The following CSMD1 variants were observed in gnomAD, a reference collection of about 807,000 sequenced individuals.
The protein encoded by CSMD1 is CUB and Sushi multiple domains 1.
CSMD1 carries 213 observed loss-of-function variants against 417.5 expected under a neutral mutation model. The ratio of observed to expected loss-of-function variants is 0.51; its 90% CI spans 0.46 to 0.57. The LOEUF (loss-of-function observed/expected upper bound fraction) is 0.57. CSMD1 is among the 20% of genes least tolerant of loss of function. CSMD1 has a pLI of 0.00. For synonymous variants in CSMD1, 2,862 were observed against 1,736.8 expected (o/e 1.65, Z -16.11); for missense variants, 6,923 against 4,529.7 (o/e 1.53, Z -15.17).
At chr8:4,175,378 C>G (rs998184760) in intron 3 of CSMD1, among the ~76,000 whole-genome samples, 17 of 152,126 alleles carry the variant, frequency 1.1e-4, no homozygotes, top group South Asian at 4.1e-4. Flanking sequence ...GGGCTCTAGT[C>G]TGATCTTCTC....
At chr8:4,672,110 T>C (rs1217594969) in intron 1 of CSMD1, among the ~76,000 whole-genome samples, 2 of 152,232 alleles carry the variant, frequency 1.3e-5, no homozygotes, top group Admixed American at 6.5e-5. Flanking sequence ...TGACAGGACC[T>C]GGTCACTGAT....
At chr8:3,727,735 G>A (rs1179129358) in intron 6 of CSMD1, among the ~76,000 whole-genome samples, 1 of 152,074 alleles carries the variant, frequency 6.6e-6, no homozygotes, top group Non-Finnish European at 1.5e-5. Context: ...ACACATGAAT[G>A]GATAAAGATA....
At chr8:4,112,912 T>G (rs1242330320) in intron 3 of CSMD1, among the ~76,000 whole-genome samples, 3 of 152,208 alleles carry the variant, frequency 2.0e-5, no homozygotes, top group African/African-American at 7.2e-5. Context: ...TTGGAGCCAT[T>G]TCTCCAACAG....
intron 5 of CSMD1, among the ~76,000 whole-genome samples, chr8:3,871,191 A>G (rs983772951): frequency 6.6e-6 from 1 of 152,062 alleles, no homozygotes; most frequent in Non-Finnish European, 1.5e-5. Context: ...ATGTGCAAAT[A>G]TTTTTCTACA....
chr8:4,524,503 G>A (rs2130418047), intron 2 of CSMD1, among the ~76,000 whole-genome samples: 1 of 151,382 alleles, frequency 6.6e-6, no homozygotes, highest in African/African-American at 2.4e-5. Context: ...CGGGATATGT[G>A]ATGGGAAAAC....
At chr8:4,159,016 A>G (rs552910867) in intron 3 of CSMD1, among the ~76,000 whole-genome samples, 13 of 152,096 alleles carry the variant, frequency 8.5e-5, no homozygotes, top group Non-Finnish European at 8.8e-5. Context: ...CCCAGATTCA[A>G]GCGATTCTCC....
chr8:4,611,503 G>C (rs1483570993), intron 2 of CSMD1, among the ~76,000 whole-genome samples: 1 of 152,108 alleles, frequency 6.6e-6, no homozygotes, highest in Non-Finnish European at 1.5e-5. Context: ...TATAAAACTT[G>C]TGGATAAAAC....
At chr8:3,800,050 G>A (rs922741) in intron 5 of CSMD1, among the ~76,000 whole-genome samples, 21,981 of 152,078 alleles carry the variant, frequency 0.14, 3,324 homozygotes, top group African/African-American at 0.38. Context: ...TTTTGTCACT[G>A]AAATATGGAG....
At chr8:4,061,604 C>T (rs562795244) in intron 3 of CSMD1, among the ~76,000 whole-genome samples, 1 of 152,174 alleles carries the variant, frequency 6.6e-6, no homozygotes, top group African/African-American at 2.4e-5. Flanking sequence ...GTTCCAGACA[C>T]TAGGACCTGT....
At chr8:4,313,274 C>G (rs958215200) in intron 3 of CSMD1, among the ~76,000 whole-genome samples, 2 of 151,976 alleles carry the variant, frequency 1.3e-5, no homozygotes, top group African/African-American at 4.8e-5. Context: ...TCTAGTGCCC[C>G]AGGAAGAGAA....
chr8:4,022,048 C>A (rs1054928098), intron 4 of CSMD1, among the ~76,000 whole-genome samples: 2 of 150,752 alleles, frequency 1.3e-5, no homozygotes, highest in African/African-American at 4.9e-5. Context: ...ATTTTTCATT[C>A]TTTAATATAC....
chr8:4,076,094 T>G (rs1000122520), intron 3 of CSMD1, among the ~76,000 whole-genome samples: 1 of 152,150 alleles, frequency 6.6e-6, no homozygotes, highest in African/African-American at 2.4e-5. Context: ...GAATTGCAGT[T>G]CCCATAATCC....
chr8:3,860,345 G>A (rs1005322559), intron 5 of CSMD1, among the ~76,000 whole-genome samples: 4 of 151,956 alleles, frequency 2.6e-5, no homozygotes, highest in Non-Finnish European at 4.4e-5. Context: ...CAAGTATAGG[G>A]CAATTTCAGT....
Position 2,980,159 on chromosome 8 carries a change from G to C in CSMD1, c.8378-1359C>G, listed in dbSNP as rs115811790. 9.9e-3 allele frequency among the ~76,000 whole-genome samples: 1,510 copies of C among 152,288 alleles called. 37 individuals are homozygous for C. The highest frequency in any genetic ancestry group is 0.034 in the African/African-American group (1,420 of 41,556). On this transcript the variant is annotated intron_variant, in intron 54 of 69. Coordinates refer to ENST00000635120, the MANE Select transcript of CSMD1 (RefSeq NM_033225.6). Reference sequence around the variant, plus strand: ...GTGCTTATGTTGCTCTTAGGAGACTGTCCAAAAATAATTTCAAACTGTGTT... The same window carrying C: ...GTGCTTATGTTGCTCTTAGGAGACTCTCCAAAAATAATTTCAAACTGTGTT...
intron 7 of CSMD1, among the ~76,000 whole-genome samples, chr8:3,632,623 T>G (rs1168815590): frequency 2.0e-5 from 3 of 152,204 alleles, no homozygotes; most frequent in Non-Finnish European, 4.4e-5. Context: ...CTAATTCTCC[T>G]GAAAGAATTC....
chr8:4,615,903 A>G (rs1213624765), intron 2 of CSMD1, among the ~76,000 whole-genome samples: 1 of 152,176 alleles, frequency 6.6e-6, no homozygotes, highest in Admixed American at 6.6e-5. Flanking sequence ...CATAGCCCAT[A>G]ACTATTTGTT....
At chr8:4,312,436 T>TATACGTATATATACAC (rs1563435289) in intron 3 of CSMD1, among the ~76,000 whole-genome samples, 1 of 116,912 alleles carries the variant, frequency 8.6e-6, no homozygotes, top group African/African-American at 5.1e-5. Context: ...TATATATATA[T>TATACGTATATATACAC]GCGTATATAT....
intron 1 of CSMD1, among the ~76,000 whole-genome samples, chr8:4,826,262 A>T (rs1799819462): frequency 6.6e-6 from 1 of 152,002 alleles, no homozygotes; most frequent in Non-Finnish European, 1.5e-5. Context: ...TGAACATATA[A>T]AGAAAATGTG....
At chr8:4,622,156 G>C (rs906198967) in intron 2 of CSMD1, among the ~76,000 whole-genome samples, 1 of 147,810 alleles carries the variant, frequency 6.8e-6, no homozygotes, top group South Asian at 2.1e-4. Context: ...TAAACGCAAA[G>C]AGGGGTAAAG....
Sources: gnomAD v4.1 joint callset for allele counts (sites outside exome capture counted in the v4.1 genomes callset) on GRCh38, gnomAD v4.1.1 for gene constraint, MANE v1.5 for transcripts, NCBI Gene and HGNC (gene_info 2026-07-23, HGNC 2026-07-21) for gene names.